The following NCAM2 variants were observed in gnomAD, a reference collection of about 807,000 sequenced individuals.
NCAM2 encodes the protein N-CAM-2.
A neutral mutation model predicts 98.1 loss-of-function variants in NCAM2; 30 were observed. The ratio of observed to expected loss-of-function variants is 0.31; its 90% CI spans 0.23 to 0.41. The LOEUF is 0.41. NCAM2 is among the 10% of genes least tolerant of loss of function. The pLI is 1.00. For missense variants in NCAM2, 867 were observed against 1,005.8 expected (o/e 0.86, Z 1.87); for synonymous variants, 368 against 342.4 (o/e 1.07, Z -0.83).
chr21:21,435,866 G>A (rs1453185678), intron 12 of NCAM2, among the ~76,000 whole-genome samples: 2 of 152,130 alleles, frequency 1.3e-5, no homozygotes, highest in South Asian at 4.1e-4. Flanking sequence ...GGAAAACCAA[G>A]TTTTTAAGGA....
intron 1 of NCAM2, among the ~76,000 whole-genome samples, chr21:21,125,172 A>G (rs2066762843): frequency 6.6e-6 from 1 of 151,700 alleles, no homozygotes; most frequent in South Asian, 2.1e-4. Flanking sequence ...ACATTCAGTA[A>G]TGTCACATTA....
intron 8 of NCAM2, among the ~76,000 whole-genome samples, chr21:21,357,375 A>G (rs1316916535): frequency 6.6e-6 from 1 of 152,172 alleles, no homozygotes; most frequent in Non-Finnish European, 1.5e-5. Context: ...GTGTAACGGT[A>G]TACTTAATTG....
chr21:21,496,276 T>G (rs1166790600), intron 15 of NCAM2, among the ~76,000 whole-genome samples: 1 of 151,926 alleles, frequency 6.6e-6, no homozygotes, highest in Non-Finnish European at 1.5e-5. Flanking sequence ...CTCACCGGCA[T>G]CTGTTGTTTT....
rs57318222 is a variant in NCAM2 at position 21,473,373 on chromosome 21, AATAT to A, written c.1897-3901_1897-3898del. ...ATATAATATACAAAATATATGTATA[AATAT>A]ATATATATATATATATTATATATAA... On this transcript the variant is annotated intron_variant, in intron 14 of 17. Coordinates refer to ENST00000400546, the MANE Select transcript of NCAM2 (RefSeq NM_004540.5). Among the ~76,000 whole-genome samples, 1,101 of 140,482 alleles carry A rather than the reference AATAT, an allele frequency of 7.8e-3. 12 individuals are homozygous for A. Among genetic ancestry groups the A allele is most frequent in the African/African-American group, 0.028 (1,055 of 38,220 alleles). 92.2% of individuals were successfully genotyped at this position (140,482 alleles called of 152,430 possible).
chr21:21,149,651 G>A (rs1221411943), intron 1 of NCAM2, among the ~76,000 whole-genome samples: 1 of 151,738 alleles, frequency 6.6e-6, no homozygotes, highest in Non-Finnish European at 1.5e-5. Flanking sequence ...CCACTTATCA[G>A]TGAGCACGTG....
intron 15 of NCAM2, 150 bp from the exon 16 acceptor site, chr21:21,508,701 C>T (rs573520071): frequency 1.6e-5 from 9 of 568,510 alleles, no homozygotes; most frequent in South Asian, 3.9e-5. Context: ...TGAATTCTGC[C>T]GGTTACTATG....
At chr21:21,288,578 A>G (rs2073183637) in intron 4 of NCAM2, among the ~76,000 whole-genome samples, 1 of 151,678 alleles carries the variant, frequency 6.6e-6, no homozygotes, top group Non-Finnish European at 1.5e-5. Flanking sequence ...ATTATCAGGA[A>G]GGACACACTT....
intron 8 of NCAM2, among the ~76,000 whole-genome samples, chr21:21,369,232 G>A (rs1453162069): frequency 2.0e-5 from 3 of 151,648 alleles, no homozygotes; most frequent in African/African-American, 7.3e-5. Context: ...CTAGTCCTTT[G>A]TTATCAGCTT....
At chr21:21,407,088 G>C (rs1307984778) in intron 9 of NCAM2, among the ~76,000 whole-genome samples, 1 of 151,844 alleles carries the variant, frequency 6.6e-6, no homozygotes, top group Non-Finnish European at 1.5e-5. Context: ...ACTATTTTTG[G>C]TACACCAACA....
chr21:21,418,411 G>T lies in NCAM2; in HGVS notation c.1384-62G>T. ...GTGTGAAAGTGGTAGTCATACTGGG[G>T]TTTATTATAAAACTTCTGTGATGTT... On this transcript the variant is annotated intron_variant, in intron 10 of 17. Transcript: ENST00000400546. The T allele has an allele frequency of 5.7e-6, 7 of 1,229,366 alleles. No individual in the cohort carries two copies. In the South Asian group the frequency reaches 8.5e-5, roughly 15 times the overall value. The allele number at this position is 1,229,366 out of a possible 1,614,324, so 76.2% of individuals were successfully genotyped here. A position where few individuals can be genotyped will look rare whatever the true frequency, so the allele number is the denominator to read the frequency against.
At chr21:21,536,342 A>G (rs2146433809) in intron 17 of NCAM2, among the ~76,000 whole-genome samples, 1 of 152,006 alleles carries the variant, frequency 6.6e-6, no homozygotes, top group Admixed American at 6.6e-5. Flanking sequence ...TCACTCCATT[A>G]TAACATGGTA....
At chr21:21,113,567 G>GA (rs1012318082) in intron 1 of NCAM2, among the ~76,000 whole-genome samples, 31 of 146,796 alleles carry the variant, frequency 2.1e-4, no homozygotes, top group East Asian at 1.2e-3. Flanking sequence ...GCCTATTACT[G>GA]AAAAAAAAAA....
At chr21:21,085,732 G>T (rs2065894038) in intron 1 of NCAM2, among the ~76,000 whole-genome samples, 1 of 151,996 alleles carries the variant, frequency 6.6e-6, no homozygotes, top group East Asian at 1.9e-4. Context: ...GTTTCCAGTT[G>T]TTTATTGCTA....
intron 1 of NCAM2, among the ~76,000 whole-genome samples, chr21:21,168,561 G>T (rs1030394448): frequency 6.6e-6 from 1 of 152,046 alleles, no homozygotes; most frequent in Admixed American, 6.6e-5. Context: ...ATCAGCAACA[G>T]AAACAACAAA....
chr21:21,040,943 T>C (rs1186778177), intron 1 of NCAM2, among the ~76,000 whole-genome samples: 1 of 152,134 alleles, frequency 6.6e-6, no homozygotes, highest in Non-Finnish European at 1.5e-5. Flanking sequence ...CAAATAAAAA[T>C]CAATGCCAAA....
intron 12 of NCAM2, among the ~76,000 whole-genome samples, chr21:21,448,392 A>T (rs974679211): frequency 1.3e-5 from 2 of 151,788 alleles, no homozygotes; most frequent in African/African-American, 4.8e-5. Flanking sequence ...GGGCCTGTTG[A>T]GTGTGTGGGG....
At chr21:21,210,463 G>C in intron 1 of NCAM2, 1 of 1,168,888 alleles carries the variant, frequency 8.6e-7, no homozygotes, top group South Asian at 1.4e-5. Flanking sequence ...CATATTTACT[G>C]TAAGAATTCT....
chr21:21,287,525 T>C (rs1252518885), intron 4 of NCAM2, among the ~76,000 whole-genome samples: 1 of 151,954 alleles, frequency 6.6e-6, no homozygotes, highest in Non-Finnish European at 1.5e-5. Flanking sequence ...TTTAGCTCTT[T>C]TCCCCTCAAT....
intron 1 of NCAM2, among the ~76,000 whole-genome samples, chr21:21,215,669 A>G (rs1334867483): frequency 6.6e-6 from 1 of 152,178 alleles, no homozygotes; most frequent in Non-Finnish European, 1.5e-5. Context: ...CAAAGATTGC[A>G]GTGAGCCAAG....
Sources: gnomAD v4.1 joint callset for allele counts (sites outside exome capture counted in the v4.1 genomes callset) on GRCh38, gnomAD v4.1.1 for gene constraint, MANE v1.5 for transcripts, NCBI Gene and HGNC (gene_info 2026-07-23, HGNC 2026-07-21) for gene names.